The following TENM3 variants were observed in gnomAD, a reference collection of about 807,000 sequenced individuals.
The protein encoded by TENM3 is teneurin transmembrane protein 3.
Under a neutral mutation model 255.1 loss-of-function variants are expected in TENM3, and 63 were observed. The ratio of observed to expected loss-of-function variants is 0.25; its 90% CI spans 0.20 to 0.30. The LOEUF is 0.30. Ranked by LOEUF, TENM3 falls within the 10% of genes least tolerant of loss-of-function variation. The probability of loss-of-function intolerance (pLI) is 1.00; values close to 1 mark genes in which losing one functional copy is unlikely to be tolerated. For synonymous variants in TENM3, 1,306 were observed against 1,322.3 expected (o/e 0.99, Z 0.27); for missense variants, 2,929 against 3,461.1 (o/e 0.85, Z 3.86).
chr4:181,801,651 A>AATATATATATATATATATATATAT, the TENM3 span, among the ~76,000 whole-genome samples: 1 of 80,948 alleles, frequency 1.2e-5, no homozygotes, highest in African/African-American at 4.3e-5. Flanking sequence ...AGAATTGTAA[A>AATATATATATATATATATATATAT]ATATATATAT....
At chr4:181,897,353 A>G in the TENM3 span, among the ~76,000 whole-genome samples, 28,096 of 152,182 alleles carry the variant, frequency 0.18, 2,722 homozygotes, top group Non-Finnish European at 0.21. Context: ...AAGACATACT[A>G]AAGAGCATGA....
the TENM3 span, among the ~76,000 whole-genome samples, chr4:181,734,873 G>T: frequency 6.6e-6 from 1 of 152,072 alleles, no homozygotes; most frequent in African/African-American, 2.4e-5. Context: ...TGGCTTGATA[G>T]AAGCAAAGCT....
intron 24 of TENM3, among the ~76,000 whole-genome samples, chr4:182,788,715 A>T (rs558933859): frequency 6.6e-6 from 1 of 152,348 alleles, no homozygotes; most frequent in East Asian, 1.9e-4. Context: ...TGTAGCCATG[A>T]TTAATTTACT....
At chr4:182,161,911 ACATG>A (rs67260202) in intron 1 of TENM3, among the ~76,000 whole-genome samples, 18,634 of 36,280 alleles carry the variant, frequency 0.51, 8,630 homozygotes, top group Admixed American at 0.71. Flanking sequence ...ATATACACAC[ACATG>A]TATGTGTATA....
intron 3 of TENM3, among the ~76,000 whole-genome samples, chr4:182,497,805 G>GTA (rs895467431): frequency 4.3e-5 from 6 of 140,806 alleles, no homozygotes; most frequent in Non-Finnish European, 6.0e-5. Context: ...GACACGTGAT[G>GTA]TATATATATA....
rs1561152871 is a variant in TENM3 at position 182,161,712 on chromosome 4, TATATATGTGTATATATATATACACAA to T, written c.-76+16978_-76+17003del. 8.4e-4 allele frequency among the ~76,000 whole-genome samples: 6 copies of T among 7,130 alleles called. 1 individual carries two copies. The highest frequency in any genetic ancestry group is 1.7e-3 in the Admixed American group (1 of 596). The allele number at this position is 7,130 out of a possible 152,430, so 4.7% of individuals were successfully genotyped here. A position where few individuals can be genotyped will look rare whatever the true frequency, so the allele number is the denominator to read the frequency against. Reference sequence around the variant, plus strand: ...ACAAATATATATGTATATATATACATATATATGTGTATATATATATACACAAATATATGTGTATATATATACATATA... The same window carrying T: ...ACAAATATATATGTATATATATACATATATATGTGTATATATATACATATA... On this transcript the variant is annotated intron_variant, in intron 1 of 2. Transcript: ENST00000512480.
chr4:182,731,821 G>T (rs1181374976), intron 16 of TENM3, among the ~76,000 whole-genome samples: 1 of 146,240 alleles, frequency 6.8e-6, no homozygotes, highest in Non-Finnish European at 1.5e-5. Context: ...TCGCTCTGTC[G>T]CCCAGGCTGG....
intron 3 of TENM3, among the ~76,000 whole-genome samples, chr4:182,529,730 C>G (rs1483568257): frequency 6.6e-6 from 1 of 152,064 alleles, no homozygotes; most frequent in Non-Finnish European, 1.5e-5. Flanking sequence ...ATTTGTTCAA[C>G]ACCAATTTAT....
the TENM3 span, among the ~76,000 whole-genome samples, chr4:181,657,850 C>T: frequency 0.038 from 5,753 of 151,978 alleles, 139 homozygotes; most frequent in Middle Eastern, 0.14. Context: ...TGGGTGGAAC[C>T]GGAGGCCATT....
intron 1 of TENM3, among the ~76,000 whole-genome samples, chr4:182,231,474 G>A (rs912740126): frequency 6.6e-6 from 1 of 152,174 alleles, no homozygotes; most frequent in Non-Finnish European, 1.5e-5. Flanking sequence ...GATAAGTCTT[G>A]CTTGAGTACA....
chr4:182,766,148 T>A (rs1026734282), intron 22 of TENM3, among the ~76,000 whole-genome samples: 2 of 152,110 alleles, frequency 1.3e-5, no homozygotes, highest in African/African-American at 4.8e-5. Context: ...GGCACCAGGA[T>A]ACAAGGAGAA....
chr4:182,684,486 G>T (rs372363171), intron 11 of TENM3, among the ~76,000 whole-genome samples: 6 of 148,604 alleles, frequency 4.0e-5, no homozygotes, highest in African/African-American at 1.2e-4. Flanking sequence ...GCAATATGAC[G>T]TTGGGCAATT....
At chr4:181,547,689 A>C in the TENM3 span, among the ~76,000 whole-genome samples, 3 of 152,180 alleles carry the variant, frequency 2.0e-5, no homozygotes, top group Non-Finnish European at 4.4e-5. Context: ...ACACTAAGAA[A>C]ATGAAACAAT....
At chr4:182,385,648 G>A (rs1311062298) in intron 3 of TENM3, among the ~76,000 whole-genome samples, 1 of 151,630 alleles carries the variant, frequency 6.6e-6, no homozygotes, top group Non-Finnish European at 1.5e-5. Context: ...TTTGTTAAAA[G>A]TTATTTTTTA....
the TENM3 span, among the ~76,000 whole-genome samples, chr4:181,808,898 G>A: frequency 6.6e-6 from 1 of 152,196 alleles, no homozygotes; most frequent in Non-Finnish European, 1.5e-5. Context: ...TCACTAACAG[G>A]TGAAGGGTAT....
At chr4:181,467,208 C>T in the TENM3 span, among the ~76,000 whole-genome samples, 6 of 144,880 alleles carry the variant, frequency 4.1e-5, no homozygotes, top group African/African-American at 1.3e-4. Context: ...TGGCTCCCCG[C>T]GACCTCCGCC....
chr4:182,035,053 C>T, the TENM3 span, among the ~76,000 whole-genome samples: 1 of 152,246 alleles, frequency 6.6e-6, no homozygotes, highest in Admixed American at 6.5e-5. Flanking sequence ...TACATAGTCT[C>T]ATGGTTCTTG....
intron 1 of TENM3, among the ~76,000 whole-genome samples, chr4:182,303,583 G>A (rs1392567212): frequency 2.6e-5 from 4 of 152,080 alleles, no homozygotes; most frequent in South Asian, 2.1e-4. Flanking sequence ...TACATCATGC[G>A]CATCTGGTTT....
the TENM3 span, among the ~76,000 whole-genome samples, chr4:181,712,510 C>T: frequency 6.6e-6 from 1 of 152,134 alleles, no homozygotes; most frequent in African/African-American, 2.4e-5. Context: ...ATCATGCTTC[C>T]TGTACAGCCT....
Sources: allele counts gnomAD v4.1 joint callset (sites outside exome capture counted in the v4.1 genomes callset), GRCh38; gene constraint gnomAD v4.1.1; transcripts MANE v1.5; gene names NCBI Gene and HGNC (gene_info 2026-07-23, HGNC 2026-07-21).